ZMAT4: variants seen among roughly 807,000 people sequenced by gnomAD.
The protein encoded by ZMAT4 is zinc finger matrin-type 4.
In ZMAT4, 17 loss-of-function variants were observed where a neutral mutation model predicts 28.7. That is an observed-to-expected ratio of 0.59 (90% CI 0.41 to 0.89). ZMAT4 has a LOEUF of 0.89. Among genes scored for constraint, ZMAT4 ranks in the 40% least tolerant of loss-of-function variants. The pLI is 0.00. For missense variants in ZMAT4, 240 were observed against 283.8 expected, an observed-to-expected ratio of 0.85 and a Z score of 1.11; for synonymous variants, 117 against 109.2, an observed-to-expected ratio of 1.07 and a Z score of -0.44.
At chr8:40,613,109 C>A (rs1805861897) in intron 5 of ZMAT4, among the ~76,000 whole-genome samples, 1 of 151,752 alleles carries the variant, frequency 6.6e-6, no homozygotes. Flanking sequence ...CCGTGACCGG[C>A]CTCTATCCAG....
At chr8:40,874,144 C>A (rs1045509972) in intron 1 of ZMAT4, among the ~76,000 whole-genome samples, 1 of 152,186 alleles carries the variant, frequency 6.6e-6, no homozygotes, top group Non-Finnish European at 1.5e-5. Context: ...AACACTCAGA[C>A]CTGTTGTCAG....
At chr8:40,539,410 A>G (rs1001897637) in intron 6 of ZMAT4, among the ~76,000 whole-genome samples, 3 of 152,202 alleles carry the variant, frequency 2.0e-5, no homozygotes, top group African/African-American at 4.8e-5. Flanking sequence ...AAAAACAATT[A>G]GGTGTTGAAA....
chr8:40,638,254 T>C (rs1441315365), intron 5 of ZMAT4, among the ~76,000 whole-genome samples: 1 of 152,218 alleles, frequency 6.6e-6, no homozygotes, highest in Non-Finnish European at 1.5e-5. Context: ...TGTGAGGTAA[T>C]AGATATGCTA....
chr8:40,636,871 A>T (rs1296989103), intron 5 of ZMAT4, among the ~76,000 whole-genome samples: 1 of 152,142 alleles, frequency 6.6e-6, no homozygotes, highest in East Asian at 1.9e-4. Flanking sequence ...TTAAAATGAA[A>T]ACTTTTTATC....
At chr8:40,639,589 AGGG>A (rs1806929176) in intron 5 of ZMAT4, among the ~76,000 whole-genome samples, 1 of 151,272 alleles carries the variant, frequency 6.6e-6, no homozygotes, top group Admixed American at 6.6e-5. Flanking sequence ...CAAAAAATAA[AGGG>A]GGCAGAAGGG....
At chr8:40,679,165 C>A (rs1260604141) in intron 4 of ZMAT4, among the ~76,000 whole-genome samples, 1 of 152,156 alleles carries the variant, frequency 6.6e-6, no homozygotes, top group Non-Finnish European at 1.5e-5. Context: ...TTCAACATCA[C>A]TCTTAGTACC....
At chr8:40,552,751 C>G (rs2589903) in intron 6 of ZMAT4, among the ~76,000 whole-genome samples, 102,458 of 152,066 alleles carry the variant, frequency 0.67, 38,690 homozygotes, top group East Asian at 0.87. Context: ...AAAGGCCACA[C>G]GGGGCCTCTT....
intron 6 of ZMAT4, among the ~76,000 whole-genome samples, chr8:40,561,278 T>C (rs1377037727): frequency 6.6e-6 from 1 of 152,154 alleles, no homozygotes; most frequent in Non-Finnish European, 1.5e-5. Flanking sequence ...TGGTCTTTCA[T>C]TTGACATTTA....
At chr8:40,665,839 C>T (rs937508935) in intron 5 of ZMAT4, among the ~76,000 whole-genome samples, 2 of 152,168 alleles carry the variant, frequency 1.3e-5, no homozygotes, top group African/African-American at 4.8e-5. Flanking sequence ...CTCTGGGCCT[C>T]AGAATCATTC....
chr8:40,761,216 A>G (rs1156998386), intron 3 of ZMAT4, among the ~76,000 whole-genome samples: 1 of 152,194 alleles, frequency 6.6e-6, no homozygotes, highest in Non-Finnish European at 1.5e-5. Context: ...ATCCAATTCC[A>G]AACAAGTTTT....
intron 5 of ZMAT4, among the ~76,000 whole-genome samples, chr8:40,639,884 A>T (rs1800049164): frequency 6.6e-6 from 1 of 152,148 alleles, no homozygotes; most frequent in Non-Finnish European, 1.5e-5. Flanking sequence ...TAACTTTTTA[A>T]AAAGGGTAAA....
At chr8:40,845,010 C>T (rs1391689288) in intron 1 of ZMAT4, among the ~76,000 whole-genome samples, 2 of 152,188 alleles carry the variant, frequency 1.3e-5, no homozygotes, top group Non-Finnish European at 2.9e-5. Flanking sequence ...TGCACATACT[C>T]ATGCACCAGA....
chr8:40,830,016 G>T lies in ZMAT4; in HGVS notation c.-4-4336C>A, dbSNP rs1436328889. ...AAAGAGGCTGGGGGAGAAGAGCCAGGTCCCGAAATGTTTCTTAAGGCGCAA... is the reference window on the plus strand; with the variant it reads ...AAAGAGGCTGGGGGAGAAGAGCCAGTTCCCGAAATGTTTCTTAAGGCGCAA... On this transcript the variant is annotated intron_variant, in intron 1 of 6. Transcript: ENST00000297737. 2.0e-5 allele frequency among the ~76,000 whole-genome samples: 3 copies of T among 152,230 alleles called. No homozygotes were observed. In the East Asian group the frequency reaches 5.8e-4, roughly 29 times the overall value.
At chr8:40,708,107 G>A (rs1444060320) in intron 3 of ZMAT4, among the ~76,000 whole-genome samples, 3 of 152,162 alleles carry the variant, frequency 2.0e-5, no homozygotes, top group Non-Finnish European at 4.4e-5. Flanking sequence ...TAAGTGAATG[G>A]AAATAAACCA....
At chr8:40,724,296 T>C (rs1288134681) in intron 3 of ZMAT4, among the ~76,000 whole-genome samples, 3 of 152,160 alleles carry the variant, frequency 2.0e-5, no homozygotes, top group Non-Finnish European at 4.4e-5. Context: ...AAGCCAGATG[T>C]GGTCTCTATG....
intron 5 of ZMAT4, among the ~76,000 whole-genome samples, chr8:40,603,199 G>A (rs1047488359): frequency 1.3e-5 from 2 of 152,078 alleles, no homozygotes; most frequent in African/African-American, 4.8e-5. Context: ...CCCACTTCAT[G>A]TTTTTGTTTG....
At chr8:40,734,527 A>C (rs530079607) in intron 3 of ZMAT4, among the ~76,000 whole-genome samples, 10 of 152,306 alleles carry the variant, frequency 6.6e-5, no homozygotes, top group African/African-American at 2.4e-4. Context: ...GGAGATGGAA[A>C]AGTACAACCG....
At chr8:40,863,301 A>G (rs1347114101) in intron 1 of ZMAT4, among the ~76,000 whole-genome samples, 2 of 152,188 alleles carry the variant, frequency 1.3e-5, no homozygotes, top group Non-Finnish European at 2.9e-5. Context: ...AAACTGGTAA[A>G]AGCATGTAGA....
Position 40,565,432 on chromosome 8 carries a change from G to A in ZMAT4, c.674+15733C>T, listed in dbSNP as rs192992746. On this transcript the variant is annotated intron_variant, in intron 6 of 6. Coordinates refer to ENST00000297737, the MANE Select transcript of ZMAT4 (RefSeq NM_024645.3). ...AAGTTTTGTTCTTGTTGCCCTGGCT[G>A]GAGTGCAGTGGGGCGATCACTGCAA... Among the ~76,000 whole-genome samples, 118 of 140,752 alleles carry A rather than the reference G, an allele frequency of 8.4e-4. 1 individual carries two copies. The highest frequency in any genetic ancestry group is 2.4e-3 in the African/African-American group (91 of 37,860). 92.3% of individuals were successfully genotyped at this position (140,752 alleles called of 152,430 possible). A position where few individuals can be genotyped will look rare whatever the true frequency, so the allele number is the denominator to read the frequency against.
Sources: gnomAD v4.1 joint callset for allele counts (sites outside exome capture counted in the v4.1 genomes callset) on GRCh38, gnomAD v4.1.1 for gene constraint, MANE v1.5 for transcripts, NCBI Gene and HGNC (gene_info 2026-07-23, HGNC 2026-07-21) for gene names.